Variants in COL24A1 observed in about 807,000 individuals in gnomAD.
The protein encoded by COL24A1 is collagen alpha-1(XXIV) chain.
Under a neutral mutation model 253.9 loss-of-function variants are expected in COL24A1, and 224 were observed. That is an observed-to-expected ratio of 0.88 (90% CI 0.79 to 0.99). The LOEUF is 0.99. Ranked by LOEUF, COL24A1 falls within the 50% of genes least tolerant of loss-of-function variation. The pLI is 0.00. For synonymous variants in COL24A1, 685 were observed against 673.7 expected, an observed-to-expected ratio of 1.02 and a Z score of -0.26; for missense variants, 2,131 against 2,068.5, an observed-to-expected ratio of 1.03 and a Z score of -0.59.
intron 12 of COL24A1, among the ~76,000 whole-genome samples, chr1:86,041,873 C>G (rs979911018): frequency 6.6e-6 from 1 of 152,236 alleles, no homozygotes; most frequent in Admixed American, 6.5e-5. Flanking sequence ...AGAGAATGAA[C>G]TTGAGTTGAA....
chr1:86,097,578 C>CG, intron 5 of COL24A1, among the ~76,000 whole-genome samples: 1 of 7,462 alleles, frequency 1.3e-4, no homozygotes, highest in Admixed American at 1.7e-3. Context: ...CCCTCCTCCT[C>CG]CCCCCTCCTC....
chr1:86,028,361 C>A (rs1211705716), intron 14 of COL24A1, among the ~76,000 whole-genome samples: 1 of 152,224 alleles, frequency 6.6e-6, no homozygotes, highest in Non-Finnish European at 1.5e-5. Context: ...ATAACCCCCA[C>A]ATGCCAAGGG....
intron 11 of COL24A1, among the ~76,000 whole-genome samples, chr1:86,048,723 C>T (rs1004645984): frequency 6.6e-6 from 1 of 152,102 alleles, no homozygotes; most frequent in Non-Finnish European, 1.5e-5. Context: ...ATCTCCTGAC[C>T]TCATGATCCA....
At chr1:86,142,613 T>C (rs888862711) in intron 2 of COL24A1, among the ~76,000 whole-genome samples, 1 of 150,428 alleles carries the variant, frequency 6.6e-6, no homozygotes, top group African/African-American at 2.4e-5. Flanking sequence ...TAGTAAGTGA[T>C]GAAAAATCTC....
At chr1:85,758,964 C>G (rs190982321) in intron 55 of COL24A1, among the ~76,000 whole-genome samples, 8 of 148,306 alleles carry the variant, frequency 5.4e-5, no homozygotes, top group Admixed American at 2.8e-4. Context: ...CAAAAAGAAA[C>G]TCCATATCTA....
At chr1:86,080,554 TAC>T (rs1245954393) in intron 7 of COL24A1, among the ~76,000 whole-genome samples, 13 of 152,224 alleles carry the variant, frequency 8.5e-5, no homozygotes, top group African/African-American at 3.1e-4. Flanking sequence ...CATGAATATA[TAC>T]ACTTACTATG....
chr1:85,820,477 C>A (rs1445017156), intron 45 of COL24A1, among the ~76,000 whole-genome samples: 3 of 152,184 alleles, frequency 2.0e-5, no homozygotes, highest in Non-Finnish European at 4.4e-5. Context: ...GGTCAAAATA[C>A]TTCTGGCAGG....
At position 85,781,243 on chromosome 1, in the gene COL24A1, T is replaced by C; in HGVS notation, c.4315A>G (p.Ile1439Val). 2 of 1,607,974 alleles carry C rather than the reference T, an allele frequency of 1.2e-6. No homozygotes were observed. Among genetic ancestry groups the C allele is most frequent in the South Asian group, 2.2e-5 (2 of 89,984 alleles). Reference protein sequence around the residue: ...GNTGPLGREGIIGPTGRTGPR... With the variant: ...GNTGPLGREGVIGPTGRTGPR... Reference sequence around the variant, plus strand: ...ACAGTTCTACCTGTTGGGCCTATTATACCTTCTCTGCCAAGGGGACCAGTG... The same window carrying C: ...ACAGTTCTACCTGTTGGGCCTATTACACCTTCTCTGCCAAGGGGACCAGTG... The change falls in exon 52 of 60, where the codon ATA (isoleucine) becomes GTA (valine). Residue 1439 changes from isoleucine (I) to valine (V), a missense_variant. Ile to Val is a conservative substitution (Grantham distance 29, BLOSUM62 3). Transcript: ENST00000370571.
intron 2 of COL24A1, among the ~76,000 whole-genome samples, chr1:86,130,442 G>C (rs1489542721): frequency 6.6e-6 from 1 of 151,454 alleles, no homozygotes; most frequent in Non-Finnish European, 1.5e-5. Context: ...TGTTTCCTTT[G>C]CTTTGCTTTG....
intron 37 of COL24A1, among the ~76,000 whole-genome samples, chr1:85,853,886 T>G (rs1474537466): frequency 1.3e-5 from 2 of 152,202 alleles, no homozygotes; most frequent in Non-Finnish European, 2.9e-5. Flanking sequence ...GATGCATAAT[T>G]TGCAAAAACT....
intron 31 of COL24A1, 107 bp from the exon 32 acceptor site, chr1:85,889,720 C>A: frequency 7.1e-6 from 6 of 849,862 alleles, no homozygotes; most frequent in East Asian, 2.6e-5. Flanking sequence ...ACTTTTCTGT[C>A]TATTGCTATT....
At chr1:86,104,687 T>C (rs1228072385) in intron 5 of COL24A1, among the ~76,000 whole-genome samples, 1 of 152,222 alleles carries the variant, frequency 6.6e-6, no homozygotes, top group Non-Finnish European at 1.5e-5. Context: ...GCTCTAACAC[T>C]GAGGGACTGA....
In COL24A1 at chr1:85,987,801, G is replaced by C. The variant is rs565800328; in HGVS notation, c.2311-147C>G. The C allele has an allele frequency of 4.7e-6, 3 of 635,148 alleles. No individual in the cohort carries two copies. The South Asian group carries it at 6.5e-5, about 14-fold the overall frequency. 39.3% of individuals were successfully genotyped at this position (635,148 alleles called of 1,614,324 possible). ...TCAATATTGAAGATTAAGTTAGGCA[G>C]TTGTTTAACACTGGAATATAAAACT... On this transcript the variant is annotated intron_variant, in intron 19 of 59. Transcript: ENST00000370571.
At chr1:85,760,127 C>T (rs989534239) in intron 55 of COL24A1, among the ~76,000 whole-genome samples, 7 of 151,364 alleles carry the variant, frequency 4.6e-5, no homozygotes. Flanking sequence ...GGCTGGAGTG[C>T]GGTGGCATGA....
intron 2 of COL24A1, among the ~76,000 whole-genome samples, chr1:86,136,235 T>A (rs1572046372): frequency 6.6e-6 from 1 of 152,110 alleles, no homozygotes; most frequent in Non-Finnish European, 1.5e-5. Context: ...TTTATTATAC[T>A]TTCCCCTTGG....
At chr1:85,791,351 A>G (rs956056107) in intron 47 of COL24A1, among the ~76,000 whole-genome samples, 4 of 152,192 alleles carry the variant, frequency 2.6e-5, no homozygotes, top group African/African-American at 9.7e-5. Context: ...GAAGTTTAAA[A>G]AAAACACTAA....
At chr1:85,761,587 C>T in intron 53 of COL24A1, 21 bp from the exon 54 acceptor site, 1 of 1,613,550 alleles carries the variant, frequency 6.2e-7, no homozygotes, top group Non-Finnish European at 8.5e-7. Flanking sequence ...TGGAGACAAA[C>T]ACAAGACCTA....
chr1:85,858,765 C>T (rs72710935), intron 37 of COL24A1, among the ~76,000 whole-genome samples: 19,621 of 150,536 alleles, frequency 0.13, 1,419 homozygotes, highest in Non-Finnish European at 0.16. Context: ...TCTTTTCGGA[C>T]GGTCTTGCTT....
At chr1:86,078,064 A>C (rs529579035) in intron 7 of COL24A1, among the ~76,000 whole-genome samples, 1 of 152,290 alleles carries the variant, frequency 6.6e-6, no homozygotes, top group South Asian at 2.1e-4. Flanking sequence ...AAATACTCAC[A>C]AACTGAATTC....
Sources: allele counts gnomAD v4.1 joint callset (sites outside exome capture counted in the v4.1 genomes callset), GRCh38; gene constraint gnomAD v4.1.1; transcripts MANE v1.5; gene names NCBI Gene and HGNC (gene_info 2026-07-23, HGNC 2026-07-21).